Variants in PPP3CA observed in about 807,000 individuals in gnomAD.
PPP3CA encodes CAM-PRP catalytic subunit.
Under a neutral mutation model 66.5 loss-of-function variants are expected in PPP3CA, and 14 were observed. The ratio of observed to expected loss-of-function variants is 0.21; its 90% CI spans 0.14 to 0.33. The LOEUF (loss-of-function observed/expected upper bound fraction) is 0.33. PPP3CA is among the 10% of genes least tolerant of loss of function. The probability of loss-of-function intolerance (pLI) is 1.00; values close to 1 mark genes in which losing one functional copy is unlikely to be tolerated. For synonymous variants in PPP3CA, 232 were observed against 226.2 expected (o/e 1.03, Z -0.23); for missense variants, 317 against 639.5 (o/e 0.50, Z 5.44).
At chr4:101,211,337 C>G (rs1725292248) in intron 1 of PPP3CA, among the ~76,000 whole-genome samples, 1 of 152,132 alleles carries the variant, frequency 6.6e-6, no homozygotes, top group African/African-American at 2.4e-5. Flanking sequence ...CTTTTGAGTT[C>G]ACTATTCCCT....
chr4:101,092,051 G>C (rs1218129674), intron 6 of PPP3CA, among the ~76,000 whole-genome samples: 1 of 151,988 alleles, frequency 6.6e-6, no homozygotes, highest in Non-Finnish European at 1.5e-5. Context: ...GGATAAAACT[G>C]AGGTGACACG....
chr4:101,085,875 A>T (rs201682421), intron 6 of PPP3CA, among the ~76,000 whole-genome samples: 2 of 148,448 alleles, frequency 1.3e-5, no homozygotes, highest in African/African-American at 4.9e-5. Flanking sequence ...GAGAGAGAGA[A>T]AGAGCGAGAG....
At chr4:101,254,379 G>C (rs1440920383) in intron 1 of PPP3CA, among the ~76,000 whole-genome samples, 1 of 151,846 alleles carries the variant, frequency 6.6e-6, no homozygotes, top group South Asian at 2.1e-4. Flanking sequence ...TTATTTGCTG[G>C]TCACAGGTGT....
chr4:101,168,306 G>A (rs2110312894), intron 2 of PPP3CA, among the ~76,000 whole-genome samples: 1 of 152,256 alleles, frequency 6.6e-6, no homozygotes, highest in Non-Finnish European at 1.5e-5. Flanking sequence ...GATTTATGAA[G>A]GAAGGTCAGA....
At chr4:101,182,157 T>C (rs1327716878) in intron 2 of PPP3CA, among the ~76,000 whole-genome samples, 1 of 152,148 alleles carries the variant, frequency 6.6e-6, no homozygotes, top group Non-Finnish European at 1.5e-5. Flanking sequence ...AACATTTTAT[T>C]GGTATTAAAC....
chr4:101,060,346 G>C (rs1351995514), intron 10 of PPP3CA, among the ~76,000 whole-genome samples: 1 of 152,056 alleles, frequency 6.6e-6, no homozygotes, highest in African/African-American at 2.4e-5. Flanking sequence ...AAAGTGCTAG[G>C]AACCACTGCA....
intron 1 of PPP3CA, among the ~76,000 whole-genome samples, chr4:101,209,750 A>C (rs1388091133): frequency 6.6e-6 from 1 of 152,164 alleles, no homozygotes; most frequent in Non-Finnish European, 1.5e-5. Context: ...CAAAAGAAGA[A>C]AAATATAGAA....
chr4:101,245,666 A>G (rs971673840), intron 1 of PPP3CA, among the ~76,000 whole-genome samples: 15 of 152,164 alleles, frequency 9.9e-5, no homozygotes, highest in African/African-American at 3.4e-4. Flanking sequence ...TCTAAATCCT[A>G]TATTGGTTCC....
chr4:101,196,453 T>C (rs1054634980), intron 1 of PPP3CA, among the ~76,000 whole-genome samples: 22 of 152,314 alleles, frequency 1.4e-4, no homozygotes, highest in Admixed American at 4.6e-4. Context: ...AAATAGTTCC[T>C]ATACATCCAA....
chr4:101,234,075 C>T (rs1212626508), intron 1 of PPP3CA, among the ~76,000 whole-genome samples: 2 of 151,784 alleles, frequency 1.3e-5, no homozygotes, highest in Non-Finnish European at 2.9e-5. Context: ...AGGTCATGAT[C>T]TCATTCCTTT....
At chr4:101,301,110 G>A (rs1371760260) in intron 1 of PPP3CA, among the ~76,000 whole-genome samples, 1 of 151,800 alleles carries the variant, frequency 6.6e-6, no homozygotes, top group Middle Eastern at 3.2e-3. Context: ...CAGTAAACAT[G>A]TTTATACTTA....
intron 1 of PPP3CA, among the ~76,000 whole-genome samples, chr4:101,296,432 C>T (rs1351617023): frequency 1.3e-5 from 2 of 152,046 alleles, no homozygotes; most frequent in Admixed American, 1.3e-4. Context: ...TTTACTGCTC[C>T]TTAACAGATG....
chr4:101,218,806 C>T (rs1725532584), intron 1 of PPP3CA, among the ~76,000 whole-genome samples: 1 of 151,908 alleles, frequency 6.6e-6, no homozygotes, highest in Admixed American at 6.6e-5. Flanking sequence ...GAAAAAGTGG[C>T]AAGTTTTAAG....
chr4:101,346,177 C>A (rs1729984344), intron 1 of PPP3CA, among the ~76,000 whole-genome samples: 1 of 151,776 alleles, frequency 6.6e-6, no homozygotes, highest in Non-Finnish European at 1.5e-5. Context: ...CCTGTGCAGG[C>A]CCTTCCAGGG....
At chr4:101,205,459 G>A (rs979646321) in intron 1 of PPP3CA, among the ~76,000 whole-genome samples, 3 of 151,978 alleles carry the variant, frequency 2.0e-5, no homozygotes, top group Non-Finnish European at 2.9e-5. Flanking sequence ...TGAACTACTC[G>A]ACAGAAGTTC....
intron 5 of PPP3CA, among the ~76,000 whole-genome samples, chr4:101,097,931 A>G (rs532177229): frequency 2.5e-4 from 38 of 152,326 alleles, no homozygotes; most frequent in African/African-American, 8.4e-4. Flanking sequence ...ATTGCTACTT[A>G]AAAGTCTCAA....
chr4:101,318,559 T>C (rs946372114), intron 1 of PPP3CA, among the ~76,000 whole-genome samples: 1 of 152,188 alleles, frequency 6.6e-6, no homozygotes, highest in Non-Finnish European at 1.5e-5. Context: ...TTGTTAGAAT[T>C]GTGTATCTGT....
At chr4:101,325,942 C>A (rs997291604) in intron 1 of PPP3CA, among the ~76,000 whole-genome samples, 5 of 152,114 alleles carry the variant, frequency 3.3e-5, no homozygotes, top group African/African-American at 1.2e-4. Context: ...AGTTCGAGAC[C>A]AGCCTGACCA....
Position 101,343,170 on chromosome 4 carries a change from G to C in PPP3CA, c.58+3569C>G, listed in dbSNP as rs182818482. On this transcript the variant is annotated intron_variant, in intron 1 of 13. Transcript: ENST00000394854. ...TTCTAAAATTTCTACCATTACCATC[G>C]GTTTGAGTTAAGGTAGAAGTCCCAT... Among the ~76,000 whole-genome samples, 348 of 152,172 alleles carry C rather than the reference G, an allele frequency of 2.3e-3. 4 individuals carry two copies. The highest frequency in any genetic ancestry group is 7.8e-3 in the African/African-American group (325 of 41,524).
Sources: allele counts gnomAD v4.1 joint callset (sites outside exome capture counted in the v4.1 genomes callset), GRCh38; gene constraint gnomAD v4.1.1; transcripts MANE v1.5; gene names NCBI Gene and HGNC (gene_info 2026-07-23, HGNC 2026-07-21).